Variants in ADCY8 observed in about 807,000 individuals in gnomAD.
ADCY8 encodes adenylate cyclase 8, also known as adenylate cyclase type 8.
A neutral mutation model predicts 119.7 loss-of-function variants in ADCY8; 51 were observed. The observed-to-expected ratio is 0.43, with a 90% CI of 0.34 to 0.54. The LOEUF (loss-of-function observed/expected upper bound fraction) is 0.54, where lower values mean the gene tolerates loss of function less well. Among genes scored for constraint, ADCY8 ranks in the 20% least tolerant of loss-of-function variants. The pLI is 0.03. For missense variants in ADCY8, 1,383 were observed against 1,598.8 expected (o/e 0.87, Z 2.30); for synonymous variants, 665 against 651.0 (o/e 1.02, Z -0.33).
intron 15 of ADCY8, among the ~76,000 whole-genome samples, chr8:130,796,166 C>A (rs263231): frequency 0.31 from 46,899 of 152,148 alleles, 8,742 homozygotes; most frequent in East Asian, 0.67. Flanking sequence ...TTCAGAATCA[C>A]TTGGCCAAGA....
chr8:130,952,886 C>T (rs1161275482), intron 2 of ADCY8, among the ~76,000 whole-genome samples: 1 of 152,094 alleles, frequency 6.6e-6, no homozygotes, highest in African/African-American at 2.4e-5. Context: ...AAACAGCGAA[C>T]ATACAAAAGA....
At chr8:130,943,497 G>GGGGGGGGGGGGACC in intron 3 of ADCY8, 35 bp from the exon 4 acceptor site, 1 of 491,356 alleles carries the variant, frequency 2.0e-6, no homozygotes, top group Non-Finnish European at 4.2e-6. Context: ...GTGGGGGGAG[G>GGGGGGGGGGGGACC]AAGTATATTA....
At position 131,038,519 on chromosome 8, in the gene ADCY8, C is replaced by T. The variant is rs143836959; in HGVS notation, c.960+855G>A. ...ACAATAGAAACATTGTCTACTTTCT[C>T]ATCCATAGACAATGTGAACTTTGTT... is the stretch of plus-strand genomic sequence containing the variant. On this transcript the variant is annotated intron_variant, in intron 1 of 17. Transcript: ENST00000286355. Among the ~76,000 whole-genome samples the T allele has an allele frequency of 4.5e-3, 688 of 152,248 alleles. 4 individuals are homozygous for T. The highest frequency in any genetic ancestry group is 0.016 in the African/African-American group (652 of 41,542).
At chr8:130,832,201 G>A (rs1816854480) in intron 12 of ADCY8, among the ~76,000 whole-genome samples, 1 of 152,142 alleles carries the variant, frequency 6.6e-6, no homozygotes, top group Non-Finnish European at 1.5e-5. Context: ...TAAGATGTTA[G>A]GGGTAAGGGT....
At chr8:130,789,614 T>C (rs1815362667) in intron 15 of ADCY8, among the ~76,000 whole-genome samples, 1 of 152,202 alleles carries the variant, frequency 6.6e-6, no homozygotes, top group Admixed American at 6.5e-5. Flanking sequence ...CTTGCAACCC[T>C]GTGCAGTCAA....
intron 9 of ADCY8, among the ~76,000 whole-genome samples, chr8:130,862,336 T>A (rs557090726): frequency 3.2e-4 from 49 of 152,312 alleles, no homozygotes; most frequent in African/African-American, 1.2e-3. Flanking sequence ...TTAATGTAAA[T>A]TTTCTTCTAA....
chr8:131,016,298 G>T (rs1389429250), intron 1 of ADCY8, among the ~76,000 whole-genome samples: 1 of 152,028 alleles, frequency 6.6e-6, no homozygotes, highest in Non-Finnish European at 1.5e-5. Context: ...CCAAGAAAAA[G>T]GATCACTTGA....
chr8:130,943,505 TTAA>T, intron 3 of ADCY8, 43 bp from the exon 4 acceptor site: 1 of 926,406 alleles, frequency 1.1e-6, no homozygotes, highest in Non-Finnish European at 1.7e-6. Context: ...AGGAAGTATA[TTAA>T]TATTTTAGTC....
chr8:131,039,155 G>A (rs1006636805), intron 1 of ADCY8, among the ~76,000 whole-genome samples: 1 of 152,234 alleles, frequency 6.6e-6, no homozygotes, highest in African/African-American at 2.4e-5. Flanking sequence ...AATCAGAGTA[G>A]AAGGGTAGAG....
At chr8:130,782,886 G>T (rs1435348521) in intron 17 of ADCY8, among the ~76,000 whole-genome samples, 1 of 152,220 alleles carries the variant, frequency 6.6e-6, no homozygotes, top group Non-Finnish European at 1.5e-5. Context: ...TGTCTACAGT[G>T]TGAGGACCGT....
chr8:130,951,801 T>A (rs2130658585), intron 3 of ADCY8, 67 bp downstream of exon 3: 5 of 1,586,244 alleles, frequency 3.2e-6, no homozygotes, highest in South Asian at 2.3e-5. Context: ...GTCACGGAAG[T>A]GCAATGAGAG....
chr8:130,821,418 T>C lies in ADCY8; in HGVS notation c.2678A>G (p.Asp893Gly). The C allele has an allele frequency of 3.1e-6, 5 of 1,612,608 alleles. No homozygotes were observed. The highest frequency in any genetic ancestry group is 4.2e-6 in the Non-Finnish European group (5 of 1,179,068). The change falls in exon 13 of 18, where the codon GAT becomes GGT. Residue 893 changes from aspartate to glycine, a missense_variant and splice_region_variant. This residue lies in a region of ADCY8 where 928 missense variants were observed against 1,163.5 expected (regional missense o/e 0.80). Transcript: ENST00000286355. ...TGATACCTCCTTGGTCCCCAGGAAA[T>C]CTCTGTTGGAAGAAAAAAGGAACTG... The part of the protein sequence containing the change: ...RYDNLNHSGE[D>G]FLGTKEVSLL...
At chr8:130,878,204 C>T (rs1172781551) in intron 8 of ADCY8, among the ~76,000 whole-genome samples, 1 of 152,148 alleles carries the variant, frequency 6.6e-6, no homozygotes, top group Non-Finnish European at 1.5e-5. Context: ...GTTCTTTCCT[C>T]TGTCTTTCAA....
intron 9 of ADCY8, among the ~76,000 whole-genome samples, chr8:130,865,364 T>C (rs1387465975): frequency 6.6e-6 from 1 of 152,058 alleles, no homozygotes; most frequent in Non-Finnish European, 1.5e-5. Context: ...TATTTATTTC[T>C]TGAGCTGTCT....
At chr8:130,934,706 C>T (rs530135650) in intron 5 of ADCY8, among the ~76,000 whole-genome samples, 1 of 152,312 alleles carries the variant, frequency 6.6e-6, no homozygotes, top group South Asian at 2.1e-4. Context: ...CAAAAGGGAA[C>T]TCTGTGTTGG....
chr8:130,785,692 A>G (rs1815229287), intron 15 of ADCY8, among the ~76,000 whole-genome samples: 1 of 152,142 alleles, frequency 6.6e-6, no homozygotes, highest in Non-Finnish European at 1.5e-5. Flanking sequence ...GTAAATTGGT[A>G]CTCTTTAAGG....
chr8:131,018,945 C>G (rs1823565139), intron 1 of ADCY8, among the ~76,000 whole-genome samples: 1 of 152,144 alleles, frequency 6.6e-6, no homozygotes, highest in African/African-American at 2.4e-5. Flanking sequence ...TTGTTGTTAT[C>G]TCTAAATCTT....
chr8:130,880,466 T>G (rs956792452), intron 8 of ADCY8, among the ~76,000 whole-genome samples: 1 of 152,162 alleles, frequency 6.6e-6, no homozygotes, highest in Non-Finnish European at 1.5e-5. Flanking sequence ...ACACATTAAG[T>G]TTTCTACATA....
At chr8:130,954,852 A>T (rs1332891613) in intron 2 of ADCY8, among the ~76,000 whole-genome samples, 1 of 152,210 alleles carries the variant, frequency 6.6e-6, no homozygotes, top group East Asian at 1.9e-4. Flanking sequence ...AGAAAATTGT[A>T]AATTAAGGCA....
Sources: gnomAD v4.1 joint callset for allele counts (sites outside exome capture counted in the v4.1 genomes callset) on GRCh38, gnomAD v4.1.1 for gene constraint, gnomAD v4.1.1 regional missense constraint, MANE v1.5 for transcripts, NCBI Gene and HGNC (gene_info 2026-07-23, HGNC 2026-07-21) for gene names.